Variants in CERS5 observed in about 807,000 individuals in gnomAD.
CERS5 encodes ceramide synthase 5.
Under a neutral mutation model 58.9 loss-of-function variants are expected in CERS5, and 37 were observed. The observed-to-expected ratio is 0.63, with a 90% CI of 0.48 to 0.83. CERS5 has a LOEUF of 0.83. Among genes scored for constraint, CERS5 ranks in the 40% least tolerant of loss-of-function variants. The probability of loss-of-function intolerance (pLI) is 0.00; values close to 1 mark genes in which losing one functional copy is unlikely to be tolerated. For missense variants in CERS5, 398 were observed against 489.3 expected, an observed-to-expected ratio of 0.81 and a Z score of 1.76; for synonymous variants, 147 against 177.8, an observed-to-expected ratio of 0.83 and a Z score of 1.38.
chr12:50,167,051 C>T, intron 1 of CERS5, 50 bp downstream of exon 1: 1 of 1,379,862 alleles, frequency 7.2e-7, no homozygotes, highest in Non-Finnish European at 9.6e-7. Context: ...CACAGCGGGG[C>T]GCCCCCGGCC....
chr12:50,143,604 T>G (rs2138098451), intron 2 of CERS5: 1 of 255,312 alleles, frequency 3.9e-6, no homozygotes, highest in African/African-American at 2.2e-5. Flanking sequence ...AAACCCAAAC[T>G]GCAAAGGCTA....
At chr12:50,132,450 A>T (rs1330611261) in intron 9 of CERS5, among the ~76,000 whole-genome samples, 2 of 152,120 alleles carry the variant, frequency 1.3e-5, no homozygotes, top group African/African-American at 4.8e-5. Flanking sequence ...CCTGGACTCT[A>T]ATAGTAAAGA....
intron 1 of CERS5, among the ~76,000 whole-genome samples, chr12:50,148,761 C>A (rs146835728): frequency 6.6e-6 from 1 of 151,080 alleles, no homozygotes; most frequent in Non-Finnish European, 1.5e-5. Flanking sequence ...AAAAATTAGC[C>A]GGGCATGGTC....
At chr12:50,156,419 A>AATATATATATATATATATATATATATAT (rs1401131951) in intron 1 of CERS5, among the ~76,000 whole-genome samples, 1 of 41,476 alleles carries the variant, frequency 2.4e-5, no homozygotes, top group South Asian at 6.6e-4. Flanking sequence ...AAACAAACAA[A>AATATATATATATATATATATATATATAT]CTATATATAT....
chr12:50,132,142 G>A (rs1292560025), intron 9 of CERS5, among the ~76,000 whole-genome samples: 1 of 150,288 alleles, frequency 6.7e-6, no homozygotes, highest in East Asian at 2.0e-4. Flanking sequence ...GCTTACGCCT[G>A]TAATCCCAGC....
intron 3 of CERS5, 44 bp downstream of exon 3, chr12:50,143,030 C>T (rs201895879): frequency 6.4e-7 from 1 of 1,552,634 alleles, no homozygotes; most frequent in Admixed American, 1.9e-5. Flanking sequence ...CCAGTTGTAT[C>T]CCACCGTCTT....
intron 1 of CERS5, among the ~76,000 whole-genome samples, chr12:50,159,421 T>C (rs927088924): frequency 7.2e-5 from 11 of 152,228 alleles, no homozygotes; most frequent in African/African-American, 2.7e-4. Context: ...TAAAATGTCT[T>C]AGATTCATTA....
chr12:50,134,934 G>C (rs1283018972), intron 8 of CERS5: 1 of 542,060 alleles, frequency 1.8e-6, no homozygotes, highest in East Asian at 3.1e-5. Context: ...GATGGATTAA[G>C]TCACATTATT....
intron 1 of CERS5, among the ~76,000 whole-genome samples, chr12:50,166,769 A>G (rs1407771872): frequency 2.6e-5 from 4 of 151,824 alleles, no homozygotes; most frequent in Non-Finnish European, 5.9e-5. Flanking sequence ...CCTCTGCCAG[A>G]GCTCACACTG....
Position 50,129,339 on chromosome 12 carries a change from T to G in CERS5, c.*1206A>C, listed in dbSNP as rs1430153404. 1 of 152,200 alleles carries G rather than the reference T, an allele frequency of 6.6e-6. No individual in the cohort carries two copies. Among genetic ancestry groups the G allele is most frequent in the East Asian group, 1.9e-4 (1 of 5,200 alleles). 9.4% of individuals were successfully genotyped at this position (152,200 alleles called of 1,614,324 possible). A position where few individuals can be genotyped will look rare whatever the true frequency, so the allele number is the denominator to read the frequency against. On this transcript the variant is annotated 3_prime_UTR_variant, in exon 10 of 10. Coordinates refer to ENST00000317551, the MANE Select transcript of CERS5 (RefSeq NM_147190.5). ...TATCCAATTGCATCTTTTGTCAGAT[T>G]AGCTACACCAACCAATCCAGTTTGT... is the stretch of plus-strand genomic sequence containing the variant.
intron 1 of CERS5, among the ~76,000 whole-genome samples, chr12:50,155,864 A>T (rs1005341965): frequency 6.8e-6 from 1 of 146,824 alleles, no homozygotes; most frequent in Non-Finnish European, 1.5e-5. Flanking sequence ...GCACTTTGGG[A>T]GGCCAAGGCG....
intron 3 of CERS5, 39 bp downstream of exon 3, chr12:50,143,035 C>G: frequency 1.3e-6 from 2 of 1,556,398 alleles, no homozygotes; most frequent in South Asian, 1.2e-5. Flanking sequence ...TGTATCCCAC[C>G]GTCTTCCTTA....
chr12:50,143,802 A>G (rs1314736403), intron 2 of CERS5, 150 bp downstream of exon 2: 1 of 578,442 alleles, frequency 1.7e-6, no homozygotes, highest in Non-Finnish European at 3.1e-6. Context: ...CTGAGGGGAT[A>G]AAGCTCTCCA....
chr12:50,151,700 T>C (rs1937979001), intron 1 of CERS5, among the ~76,000 whole-genome samples: 1 of 152,246 alleles, frequency 6.6e-6, no homozygotes, highest in Admixed American at 6.5e-5. Context: ...TCACCTGGGC[T>C]GGAGTGCAAT....
At chr12:50,162,802 C>A (rs1330132058) in intron 1 of CERS5, among the ~76,000 whole-genome samples, 1 of 152,150 alleles carries the variant, frequency 6.6e-6, no homozygotes, top group African/African-American at 2.4e-5. Context: ...TGGGGTTTCA[C>A]CATGTTAGCC....
intron 8 of CERS5, 92 bp downstream of exon 8, chr12:50,135,640 T>C (rs1436257427): frequency 4.2e-6 from 4 of 944,084 alleles, no homozygotes; most frequent in East Asian, 2.4e-5. Flanking sequence ...TAGAATAGAA[T>C]AGAACAGAAA....
chr12:50,136,001 A>G lies in CERS5; in HGVS notation c.705T>C (p.Asn235=), dbSNP rs1387858887. Residue 235 remains asparagine, a synonymous_variant, in exon 7 of 10, where the codon AAT becomes AAC. Transcript: ENST00000317551. The part of the protein sequence containing the change: ...IGLISFSYIN[N]MVRVGTLIMC... ...TGATCAGAGTTCCCACTCGAACCAT[A>G]TTGTTGATGTAGGAGAAGGAGATAA... is the stretch of plus-strand genomic sequence containing the variant. 1.3e-6 allele frequency: 2 copies of G among 1,520,840 alleles called. No homozygotes were observed. The highest frequency in any genetic ancestry group is 1.8e-6 in the Non-Finnish European group (2 of 1,137,884). The allele number at this position is 1,520,840 out of a possible 1,614,324, so 94.2% of individuals were successfully genotyped here. A position where few individuals can be genotyped will look rare whatever the true frequency, so the allele number is the denominator to read the frequency against.
intron 4 of CERS5, among the ~76,000 whole-genome samples, chr12:50,139,537 T>C (rs150817996): frequency 2.8e-4 from 42 of 151,938 alleles, no homozygotes; most frequent in African/African-American, 9.7e-4. Flanking sequence ...CTCACGCCTG[T>C]AATCCCAGCA....
rs1341967141 is a variant in CERS5 at position 50,130,568 on chromosome 12, C to T, written c.1156G>A (p.Gly386Ser). Reference protein sequence around the residue: ...GANRVNGHMGGSYWAEE With the variant: ...GANRVNGHMGSSYWAEE ...CCTTACTCTTCAGCCCAGTAGCTGCCTCCCATGTGACCATTCACCCGATTG... is the reference window on the plus strand; with the variant it reads ...CCTTACTCTTCAGCCCAGTAGCTGCTTCCCATGTGACCATTCACCCGATTG... The change falls in exon 10 of 10, where the codon GGC becomes AGC. Residue 386 changes from glycine to serine, a missense_variant. Physicochemically the swap from Gly to Ser is moderately conservative, Grantham distance 56. Around this residue, in one of 3 missense-constraint regions of CERS5, gnomAD observed 47 missense variants for 50.2 expected, o/e 0.94. Coordinates refer to ENST00000317551, the MANE Select transcript of CERS5 (RefSeq NM_147190.5). 3 of 1,609,904 alleles carry T rather than the reference C, an allele frequency of 1.9e-6. No homozygotes were observed. The highest frequency in any genetic ancestry group is 2.2e-5 in the East Asian group (1 of 44,762).
Sources: gnomAD v4.1 joint callset for allele counts (sites outside exome capture counted in the v4.1 genomes callset) on GRCh38, gnomAD v4.1.1 for gene constraint, gnomAD v4.1.1 regional missense constraint, MANE v1.5 for transcripts, NCBI Gene and HGNC (gene_info 2026-07-23, HGNC 2026-07-21) for gene names.